COG3: variants seen among roughly 807,000 people sequenced by gnomAD.
The protein encoded by COG3 is component of oligomeric golgi complex 3.
COG3 carries 32 observed loss-of-function variants against 114.1 expected under a neutral mutation model. The observed-to-expected ratio is 0.28, with a 90% CI of 0.21 to 0.38. COG3 has a LOEUF of 0.38. COG3 is among the 10% of genes least tolerant of loss of function. The pLI is 1.00. For missense variants in COG3, 813 were observed against 973.2 expected (o/e 0.84, Z 2.19); for synonymous variants, 352 against 365.7 (o/e 0.96, Z 0.43).
At chr13:45,495,145 CT>C (rs56237113) in intron 12 of COG3, among the ~76,000 whole-genome samples, 91,183 of 108,676 alleles carry the variant, frequency 0.84, 38,628 homozygotes, top group South Asian at 0.88. Context: ...CGCCTGGCCT[CT>C]TTTTTTTTTT....
At chr13:45,474,924 C>G (rs575204166) in intron 1 of COG3, among the ~76,000 whole-genome samples, 4 of 136,508 alleles carry the variant, frequency 2.9e-5, no homozygotes, top group Admixed American at 2.3e-4. Context: ...CATCTACTTT[C>G]CCTTTGTTTT....
At chr13:45,500,025 A>AT (rs1299978898) in intron 13 of COG3, among the ~76,000 whole-genome samples, 41 of 139,444 alleles carry the variant, frequency 2.9e-4, no homozygotes, top group South Asian at 1.3e-3. Flanking sequence ...CTTAAAAAAA[A>AT]ATATATATAT....
At chr13:45,507,185 T>C (rs1054960775) in intron 14 of COG3, among the ~76,000 whole-genome samples, 1 of 152,204 alleles carries the variant, frequency 6.6e-6, no homozygotes, top group Non-Finnish European at 1.5e-5. Flanking sequence ...TTGACTAAAC[T>C]TTTATTTGGG....
intron 16 of COG3, chr13:45,512,093 A>G (rs1053930653): frequency 1.7e-5 from 7 of 416,766 alleles, no homozygotes; most frequent in African/African-American, 4.0e-5. Context: ...TACACATTCT[A>G]TAGAGTAAAG....
intron 7 of COG3, among the ~76,000 whole-genome samples, chr13:45,483,968 T>C (rs1886413047): frequency 6.6e-6 from 1 of 152,026 alleles, no homozygotes; most frequent in African/African-American, 2.4e-5. Context: ...AGCAAATCAA[T>C]TAGTTAATTA....
Position 45,480,260 on chromosome 13 carries a change from T to G in COG3, c.519T>G (p.His173Gln), listed in dbSNP as rs1886167686. Residue 173 changes from histidine to glutamine, a missense_variant, in exon 4 of 23, where the codon CAT becomes CAG. Physicochemically the swap from His to Gln is conservative, Grantham distance 24. Coordinates refer to ENST00000349995, the MANE Select transcript of COG3 (RefSeq NM_031431.4). ...TGTCCAATAAGACAGGAACCCTACA[T>G]GAAGCCTGTGAACAGCTCCTAAAAG... ...LFVSNKTGTL[H>Q]EACEQLLKEQ... The G allele has an allele frequency of 6.2e-7, 1 of 1,613,372 alleles. No individual in the cohort carries two copies. The highest frequency in any genetic ancestry group is 2.2e-5 in the East Asian group (1 of 44,862).
chr13:45,497,386 A>AC (rs1356261215), intron 13 of COG3, among the ~76,000 whole-genome samples: 1 of 151,960 alleles, frequency 6.6e-6, no homozygotes, highest in Non-Finnish European at 1.5e-5. Flanking sequence ...AATATGATGA[A>AC]CTCTTAGGTA....
intron 19 of COG3, among the ~76,000 whole-genome samples, chr13:45,522,507 T>C (rs928366341): frequency 6.6e-6 from 1 of 152,220 alleles, no homozygotes; most frequent in Non-Finnish European, 1.5e-5. Flanking sequence ...GAAGCATCTT[T>C]ATTTGACAGG....
intron 7 of COG3, among the ~76,000 whole-genome samples, chr13:45,486,113 CG>C (rs1416342366): frequency 7.5e-6 from 1 of 133,278 alleles, no homozygotes; most frequent in Non-Finnish European, 1.5e-5. Flanking sequence ...GGCTGGAGAC[CG>C]GCCCGGCCAA....
intron 22 of COG3, among the ~76,000 whole-genome samples, chr13:45,533,011 C>T (rs1213470015): frequency 2.0e-5 from 3 of 151,654 alleles, no homozygotes; most frequent in Admixed American, 6.6e-5. Context: ...GTGAGACACA[C>T]GGGGGTTCAG....
chr13:45,494,011 A>C (rs926272140), intron 12 of COG3: 1 of 152,316 alleles, frequency 6.6e-6, no homozygotes, highest in Admixed American at 6.5e-5. Flanking sequence ...TTTTCCTAAT[A>C]GTACCTAGGT....
At chr13:45,531,747 C>T (rs1445677123) in intron 22 of COG3, among the ~76,000 whole-genome samples, 1 of 152,128 alleles carries the variant, frequency 6.6e-6, no homozygotes, top group Non-Finnish European at 1.5e-5. Context: ...CTCAAGTGAT[C>T]TGCCGGCCTC....
intron 20 of COG3, among the ~76,000 whole-genome samples, chr13:45,527,089 C>T (rs1872763291): frequency 6.6e-6 from 1 of 152,178 alleles, no homozygotes; most frequent in African/African-American, 2.4e-5. Context: ...AGCCCAGTGT[C>T]TTGATGCATA....
chr13:45,513,451 A>G lies in COG3; in HGVS notation c.1809+1597A>G, dbSNP rs1269195869. Among the ~76,000 whole-genome samples the G allele has an allele frequency of 8.6e-5, 7 of 81,548 alleles. 1 individual carries two copies. The highest frequency in any genetic ancestry group is 3.0e-4 in the African/African-American group (4 of 13,150). The allele number at this position is 81,548 out of a possible 152,430, so 53.5% of individuals were successfully genotyped here. A position where few individuals can be genotyped will look rare whatever the true frequency, so the allele number is the denominator to read the frequency against. ...TATATAATATATACATATAAATTAT[A>G]TATATAATATATACATATAAATTAT... On this transcript the variant is annotated intron_variant, in intron 16 of 22. Coordinates refer to ENST00000349995, the MANE Select transcript of COG3 (RefSeq NM_031431.4).
At chr13:45,471,793 C>T (rs1286633466) in intron 1 of COG3, among the ~76,000 whole-genome samples, 8 of 151,424 alleles carry the variant, frequency 5.3e-5, no homozygotes, top group African/African-American at 1.7e-4. Flanking sequence ...AGTGCAATGG[C>T]GCGATCTCGG....
Position 45,519,124 on chromosome 13 carries a change from T to C in COG3, c.2154+30T>C, listed in dbSNP as rs777551604. The C allele has an allele frequency of 7.5e-6, 12 of 1,607,782 alleles. No homozygotes were observed. The Admixed American group carries it at 2.0e-4, about 27-fold the overall frequency. On this transcript the variant is annotated intron_variant, in intron 19 of 22. Transcript: ENST00000349995. Reference sequence around the variant, plus strand: ...AGACCTTGGTGCCTATGTGGTAAAGTCATTTTGCATTCTTCCTTAGATTTC... The same window carrying C: ...AGACCTTGGTGCCTATGTGGTAAAGCCATTTTGCATTCTTCCTTAGATTTC...
At chr13:45,472,893 G>A (rs548089421) in intron 1 of COG3, among the ~76,000 whole-genome samples, 17 of 151,848 alleles carry the variant, frequency 1.1e-4, no homozygotes, top group South Asian at 2.1e-4. Context: ...TTTTTGAGAC[G>A]GAGTCTCCCT....
Position 45,498,308 on chromosome 13 carries a change from A to G in COG3, c.1488+1996A>G, listed in dbSNP as rs1423292778. ...AAATTAACATTAATTCAATAATATTATTTATATATAGTCCATATTGAAATT... is the reference window on the plus strand; with the variant it reads ...AAATTAACATTAATTCAATAATATTGTTTATATATAGTCCATATTGAAATT... On this transcript the variant is annotated intron_variant, in intron 13 of 22. Coordinates refer to ENST00000349995, the MANE Select transcript of COG3 (RefSeq NM_031431.4). Among the ~76,000 whole-genome samples the G allele has an allele frequency of 3.4e-5, 5 of 147,744 alleles. No homozygotes were observed. The Admixed American group carries it at 3.4e-4, about 10-fold the overall frequency.
At chr13:45,517,422 T>C (rs750092150) in intron 17 of COG3, among the ~76,000 whole-genome samples, 1 of 152,216 alleles carries the variant, frequency 6.6e-6, no homozygotes, top group African/African-American at 2.4e-5. Flanking sequence ...TCCCTAGTGC[T>C]CTCTCTTGTC....
Sources: allele counts gnomAD v4.1 joint callset (sites outside exome capture counted in the v4.1 genomes callset), GRCh38; gene constraint gnomAD v4.1.1; transcripts MANE v1.5; gene names NCBI Gene and HGNC (gene_info 2026-07-23, HGNC 2026-07-21).